The following CNTNAP2 variants were observed in gnomAD, a reference collection of about 807,000 sequenced individuals.
The protein encoded by CNTNAP2 is contactin associated protein 2.
CNTNAP2 carries 98 observed loss-of-function variants against 155.2 expected under a neutral mutation model. The ratio of observed to expected loss-of-function variants is 0.63; its 90% confidence interval spans 0.54 to 0.75. The LOEUF is 0.75. Among genes scored for constraint, CNTNAP2 ranks in the 30% least tolerant of loss-of-function variants. CNTNAP2 has a pLI of 0.00. For synonymous variants in CNTNAP2, 651 were observed against 631.2 expected, an observed-to-expected ratio of 1.03 and a Z score of -0.47; for missense variants, 1,727 against 1,688.1, an observed-to-expected ratio of 1.02 and a Z score of -0.40.
At chr7:147,724,531 A>G (rs530167271) in intron 13 of CNTNAP2, among the ~76,000 whole-genome samples, 54 of 152,160 alleles carry the variant, frequency 3.5e-4, no homozygotes, top group African/African-American at 1.2e-3. Flanking sequence ...AGCTAGATTC[A>G]ATTCCTGTTG....
chr7:146,178,576 T>C (rs1226321672), intron 1 of CNTNAP2, among the ~76,000 whole-genome samples: 1 of 152,200 alleles, frequency 6.6e-6, no homozygotes. Flanking sequence ...GACCTACGCA[T>C]CCTCCATTTG....
chr7:146,569,349 A>G (rs1445609892), intron 1 of CNTNAP2, among the ~76,000 whole-genome samples: 2 of 152,208 alleles, frequency 1.3e-5, no homozygotes, highest in Admixed American at 6.5e-5. Flanking sequence ...GTTGGAAGTC[A>G]TCACAGTGAA....
intron 8 of CNTNAP2, among the ~76,000 whole-genome samples, chr7:147,265,199 T>G (rs529671267): frequency 2.1e-4 from 32 of 152,090 alleles, no homozygotes; most frequent in African/African-American, 7.5e-4. Context: ...TTTTTTTAAT[T>G]TTATTGTATT....
chr7:146,423,389 A>G (rs368653557), intron 1 of CNTNAP2, among the ~76,000 whole-genome samples: 4 of 152,282 alleles, frequency 2.6e-5, no homozygotes, highest in African/African-American at 9.6e-5. Flanking sequence ...TGATTGATGG[A>G]TATAACATTA....
chr7:146,470,363 A>G (rs1796779182), intron 1 of CNTNAP2, among the ~76,000 whole-genome samples: 1 of 152,156 alleles, frequency 6.6e-6, no homozygotes, highest in African/African-American at 2.4e-5. Flanking sequence ...TAATAAATAA[A>G]CATCATTAAT....
intron 22 of CNTNAP2, among the ~76,000 whole-genome samples, chr7:148,396,987 T>A (rs1799483064): frequency 6.6e-6 from 1 of 152,210 alleles, no homozygotes; most frequent in Admixed American, 6.5e-5. Flanking sequence ...ATTTTAACTT[T>A]TAGAAAACTG....
chr7:147,965,122 A>G lies in CNTNAP2; in HGVS notation c.2256-12740A>G, dbSNP rs568852747. ...CCTTGTTCACTGCAACTGAAATGAGAGGACCCTGGAGTGTAACTTTCATTC... is the reference window on the plus strand; with the variant it reads ...CCTTGTTCACTGCAACTGAAATGAGGGGACCCTGGAGTGTAACTTTCATTC... On this transcript the variant is annotated intron_variant, in intron 14 of 23. Coordinates refer to ENST00000361727, the MANE Select transcript of CNTNAP2 (RefSeq NM_014141.6). 2.0e-3 allele frequency among the ~76,000 whole-genome samples: 309 copies of G among 152,298 alleles called. 3 individuals carry two copies. Among genetic ancestry groups the G allele is most frequent in the African/African-American group, 7.2e-3 (300 of 41,574 alleles).
chr7:147,852,887 A>C (rs1429539172), intron 13 of CNTNAP2, among the ~76,000 whole-genome samples: 2 of 152,152 alleles, frequency 1.3e-5, no homozygotes, highest in African/African-American at 4.8e-5. Context: ...TGCTGCTGTC[A>C]TCCTCTCTCT....
At chr7:147,505,920 C>T (rs553451993) in intron 11 of CNTNAP2, among the ~76,000 whole-genome samples, 4 of 151,818 alleles carry the variant, frequency 2.6e-5, no homozygotes, top group Non-Finnish European at 5.9e-5. Context: ...GATCTTGTAA[C>T]GAGAATGTGT....
intron 2 of CNTNAP2, among the ~76,000 whole-genome samples, chr7:146,826,040 C>T (rs1803393697): frequency 6.6e-6 from 1 of 151,872 alleles, no homozygotes; most frequent in African/African-American, 2.4e-5. Context: ...GCATTTTTTT[C>T]CAGTGATGTC....
chr7:146,393,460 T>C (rs1584903952), intron 1 of CNTNAP2, among the ~76,000 whole-genome samples: 2 of 152,150 alleles, frequency 1.3e-5, no homozygotes, highest in African/African-American at 2.4e-5. Flanking sequence ...GTGTCTTGCA[T>C]TGTGAGGTTA....
At chr7:146,403,289 A>G (rs1180272740) in intron 1 of CNTNAP2, among the ~76,000 whole-genome samples, 2 of 152,156 alleles carry the variant, frequency 1.3e-5, no homozygotes, top group South Asian at 2.1e-4. Context: ...GTCACTTGCT[A>G]TCATATTCGG....
At chr7:147,456,718 A>G (rs542158496) in intron 10 of CNTNAP2, among the ~76,000 whole-genome samples, 16 of 152,304 alleles carry the variant, frequency 1.1e-4, no homozygotes, top group Admixed American at 3.3e-4. Context: ...AATTAATCAC[A>G]GGAAAAAAAA....
chr7:147,949,111 G>C (rs932846940), intron 14 of CNTNAP2, among the ~76,000 whole-genome samples: 1 of 151,786 alleles, frequency 6.6e-6, no homozygotes, highest in Non-Finnish European at 1.5e-5. Context: ...TGAGGCAGGA[G>C]AATCGCTTGA....
chr7:148,108,597 C>T (rs570726032), intron 15 of CNTNAP2, among the ~76,000 whole-genome samples: 1 of 151,878 alleles, frequency 6.6e-6, no homozygotes, highest in South Asian at 2.1e-4. Context: ...ATAAGCCAGG[C>T]ACCGAAAACA....
chr7:146,677,702 T>A (rs77162318), intron 1 of CNTNAP2, among the ~76,000 whole-genome samples: 1 of 151,388 alleles, frequency 6.6e-6, no homozygotes, highest in Admixed American at 6.6e-5. Flanking sequence ...TTTTTTTTTT[T>A]AGGAGAAAGA....
chr7:146,938,463 ATG>A (rs1322527299), intron 3 of CNTNAP2, among the ~76,000 whole-genome samples: 1 of 150,184 alleles, frequency 6.7e-6, no homozygotes, highest in Admixed American at 6.7e-5. Context: ...ACACATATAT[ATG>A]TATATATAAT....
chr7:146,282,089 C>T (rs896560235), intron 1 of CNTNAP2, among the ~76,000 whole-genome samples: 2 of 152,124 alleles, frequency 1.3e-5, no homozygotes, highest in African/African-American at 4.8e-5. Flanking sequence ...GTTTGAGTCT[C>T]CACAGATGTA....
Position 148,415,674 on chromosome 7 carries a change from G to A in CNTNAP2, c.*58G>A. On this transcript the variant is annotated 3_prime_UTR_variant, in exon 24 of 24. Transcript: ENST00000361727. ...GGGAATTACTAGGGAGGAGAGAAAGGGACAAAAGCACCCTGCTTCATACTC... is the reference window on the plus strand; with the variant it reads ...GGGAATTACTAGGGAGGAGAGAAAGAGACAAAAGCACCCTGCTTCATACTC... 6.3e-7 allele frequency: 1 copy of A among 1,596,338 alleles called. No individual in the cohort carries two copies. The highest frequency in any genetic ancestry group is 8.6e-7 in the Non-Finnish European group (1 of 1,165,558).
Sources: gnomAD v4.1 joint callset for allele counts (sites outside exome capture counted in the v4.1 genomes callset) on GRCh38, gnomAD v4.1.1 for gene constraint, MANE v1.5 for transcripts, NCBI Gene and HGNC (gene_info 2026-07-23, HGNC 2026-07-21) for gene names.